RGR: variants seen among roughly 807,000 people sequenced by gnomAD.
RGR encodes the protein RPE-retinal G protein-coupled receptor.
In RGR, 30 loss-of-function variants were observed where a neutral mutation model predicts 28.6. The observed-to-expected ratio is 1.05, with a 90% CI of 0.78 to 1.42. The LOEUF (loss-of-function observed/expected upper bound fraction) is 1.42. Among genes scored for constraint, RGR ranks in the 40% most tolerant of loss-of-function variants. The pLI, the probability that RGR is intolerant of heterozygous loss-of-function variation, is 0.00. For synonymous variants in RGR, 180 were observed against 156.4 expected, an observed-to-expected ratio of 1.15 and a Z score of -1.13; for missense variants, 404 against 375.6, an observed-to-expected ratio of 1.08 and a Z score of -0.62.
chr10:84,253,028 G>A lies in RGR; in HGVS notation c.512+18G>A. On this transcript the variant is annotated intron_variant, in intron 4 of 6. Transcript: ENST00000652092. ...GGGGACAGGTGAGGTGGGAGGAGCA[G>A]CTTCGAGGCTCCTATCCATGGGAAT... 2 of 1,611,198 alleles carry A rather than the reference G, an allele frequency of 1.2e-6. No homozygotes were observed. Among genetic ancestry groups the A allele is most frequent in the Non-Finnish European group, 8.5e-7 (1 of 1,179,110 alleles).
At chr10:84,247,838 C>G (rs1218765396) in intron 2 of RGR, 91 bp downstream of exon 2, 1 of 1,589,990 alleles carries the variant, frequency 6.3e-7, no homozygotes. Flanking sequence ...GGCATTTTTA[C>G]TACTTACAGA....
intron 3 of RGR, 114 bp from the exon 4 acceptor site, chr10:84,252,743 G>A: frequency 7.4e-7 from 1 of 1,349,598 alleles, no homozygotes; most frequent in Non-Finnish European, 1.1e-6. Context: ...TTGGGAGACT[G>A]AGGCTGGTGG....
At chr10:84,256,006 A>G (rs1175414660) in intron 5 of RGR, among the ~76,000 whole-genome samples, 2 of 124,954 alleles carry the variant, frequency 1.6e-5, no homozygotes, top group Non-Finnish European at 3.2e-5. Context: ...TATAGGCGTG[A>G]GCTGCCGTGT....
intron 5 of RGR, 131 bp downstream of exon 5, chr10:84,254,574 T>A: frequency 1.2e-6 from 1 of 812,610 alleles, no homozygotes; most frequent in Non-Finnish European, 2.1e-6. Flanking sequence ...CAGCAAAAGC[T>A]TATTCAGCAC....
In RGR at chr10:84,250,234, G is replaced by A. The variant is rs1043938552; in HGVS notation, c.358+1191G>A. 2.1e-5 allele frequency: 14 copies of A among 659,210 alleles called. No homozygotes were observed. In the African/African-American group the frequency reaches 2.3e-4, roughly 11 times the overall value. The allele number at this position is 659,210 out of a possible 1,614,324, so 40.8% of individuals were successfully genotyped here. On this transcript the variant is annotated intron_variant, in intron 3 of 6. Transcript: ENST00000652092. ...TATGAATTTGTCCAGCACAGAGGCT[G>A]CTGTGAGGTCTATAGCCAGCACAGC... is the stretch of plus-strand genomic sequence containing the variant.
chr10:84,252,721 A>AC lies in RGR; in HGVS notation c.359-136_359-135insC, dbSNP rs1842833873. On this transcript the variant is annotated intron_variant, in intron 3 of 6. Coordinates refer to ENST00000652092, the MANE Select transcript of RGR (RefSeq NM_001012720.2). Reference sequence around the variant, plus strand: ...GCAGGATGTAGTGGCTCAATCCTGTAATCCCAGCACTTTGGGAGACTGAGG... The same window carrying AC: ...GCAGGATGTAGTGGCTCAATCCTGTACATCCCAGCACTTTGGGAGACTGAGG... The AC allele has an allele frequency of 2.6e-6, 3 of 1,140,608 alleles. No homozygotes were observed. The Admixed American group carries it at 5.2e-5, about 20-fold the overall frequency. 70.7% of individuals were successfully genotyped at this position (1,140,608 alleles called of 1,614,324 possible). A position where few individuals can be genotyped will look rare whatever the true frequency, so the allele number is the denominator to read the frequency against.
Position 84,249,010 on chromosome 10 carries a change from A to G in RGR, c.325A>G (p.Ile109Val). 1 of 1,614,026 alleles carries G rather than the reference A, an allele frequency of 6.2e-7. No homozygotes were observed. The highest frequency in any genetic ancestry group is 8.5e-7 in the Non-Finnish European group (1 of 1,179,940). Residue 109 changes from isoleucine to valine, a missense_variant, in exon 3 of 7, where the codon ATC becomes GTC. Ile to Val is a conservative substitution (Grantham distance 29, BLOSUM62 3). Coordinates refer to ENST00000652092, the MANE Select transcript of RGR (RefSeq NM_001012720.2). ...GGCCAGCATCTGCAGCAGTGCAGCCATCGCATGGGGGCGTTATCACCACTA... is the reference window on the plus strand; with the variant it reads ...GGCCAGCATCTGCAGCAGTGCAGCCGTCGCATGGGGGCGTTATCACCACTA... ...ALASICSSAAIAWGRYHHYCT... is the reference protein window; with the variant it reads ...ALASICSSAAVAWGRYHHYCT...
intron 1 of RGR, among the ~76,000 whole-genome samples, chr10:84,246,032 G>A (rs961944345): frequency 1.3e-5 from 2 of 152,176 alleles, no homozygotes; most frequent in South Asian, 2.1e-4. Flanking sequence ...CTCTGGACAC[G>A]ACTGTCTGGT....
intron 5 of RGR, 132 bp from the exon 6 acceptor site, chr10:84,257,761 C>A (rs762457314): frequency 8.2e-6 from 6 of 730,916 alleles, no homozygotes; most frequent in Non-Finnish European, 1.2e-5. Context: ...AGTTCCCCTG[C>A]AGACTCAGCC....
At chr10:84,250,651 G>A (rs1210515405) in intron 3 of RGR, 2 of 556,506 alleles carry the variant, frequency 3.6e-6, no homozygotes, top group South Asian at 2.3e-5. Flanking sequence ...TATACTGAGA[G>A]CATGGCAGAG....
chr10:84,247,582 T>A lies in RGR; in HGVS notation c.80-9T>A. On this transcript the variant is annotated splice_polypyrimidine_tract_variant and intron_variant, in intron 1 of 6. Transcript: ENST00000652092. ...CAGCCCCAATGCCAGCCCCCACCCT[T>A]CCTTTCAGCTCTCTCCGGTCTCAGC... The A allele has an allele frequency of 6.2e-7, 1 of 1,613,990 alleles. No homozygotes were observed. The highest frequency in any genetic ancestry group is 8.5e-7 in the Non-Finnish European group (1 of 1,180,012).
At chr10:84,254,477 T>G (rs900467831) in intron 5 of RGR, 34 bp downstream of exon 5, 2 of 1,545,954 alleles carry the variant, frequency 1.3e-6, no homozygotes, top group Non-Finnish European at 1.8e-6. Flanking sequence ...TATCTGATGG[T>G]GCAGCGCAGC....
At chr10:84,257,511 A>G (rs1397040469) in intron 5 of RGR, among the ~76,000 whole-genome samples, 1 of 152,058 alleles carries the variant, frequency 6.6e-6, no homozygotes, top group African/African-American at 2.4e-5. Context: ...GAGGCAGGAG[A>G]ATCCCTTGAA....
chr10:84,247,485 C>T (rs754345429), intron 1 of RGR, 106 bp from the exon 2 acceptor site: 39 of 1,315,486 alleles, frequency 3.0e-5, no homozygotes, highest in Non-Finnish European at 3.9e-5. Context: ...GATTGTCTTC[C>T]TTGTCTGTCC....
At chr10:84,255,161 T>C (rs1034691246) in intron 5 of RGR, 1 of 155,780 alleles carries the variant, frequency 6.4e-6, no homozygotes, top group African/African-American at 2.4e-5. Context: ...ATGAACAATG[T>C]GACAGACAGC....
intron 1 of RGR, 93 bp downstream of exon 1, chr10:84,245,262 C>A: frequency 6.2e-6 from 8 of 1,294,450 alleles, no homozygotes; most frequent in Non-Finnish European, 8.7e-6. Context: ...AGGAGAGGTC[C>A]CCAAACCCAG....
intron 1 of RGR, among the ~76,000 whole-genome samples, 181 bp downstream of exon 1, chr10:84,245,350 G>A (rs1344728039): frequency 6.6e-6 from 1 of 152,194 alleles, no homozygotes; most frequent in Non-Finnish European, 1.5e-5. Flanking sequence ...AACCTGTGAG[G>A]TGCAGCACAC....
rs1842778301 is a variant in RGR, at chr10:84,248,757, C to T, written c.237-165C>T. ...GTGCATTGGGCTCCACCCCTTCAGC[C>T]CAGTTACTTGAGCTCCAACGCCTCA... On this transcript the variant is annotated intron_variant, in intron 2 of 6. Coordinates refer to ENST00000652092, the MANE Select transcript of RGR (RefSeq NM_001012720.2). The T allele has an allele frequency of 1.2e-5, 15 of 1,275,150 alleles. 1 individual carries two copies. In the South Asian group the frequency reaches 1.8e-4, roughly 15 times the overall value. 79.0% of individuals were successfully genotyped at this position (1,275,150 alleles called of 1,614,324 possible). A position where few individuals can be genotyped will look rare whatever the true frequency, so the allele number is the denominator to read the frequency against.
At chr10:84,247,853 T>C (rs772347034) in intron 2 of RGR, 106 bp downstream of exon 2, 34 of 1,540,252 alleles carry the variant, frequency 2.2e-5, no homozygotes, top group Non-Finnish European at 3.0e-5. Context: ...TACAGAAAAT[T>C]GGCCAAGGGC....
Sources: allele counts gnomAD v4.1 joint callset (sites outside exome capture counted in the v4.1 genomes callset), GRCh38; gene constraint gnomAD v4.1.1; transcripts MANE v1.5; gene names NCBI Gene and HGNC (gene_info 2026-07-23, HGNC 2026-07-21).